Variants in NRG3 observed in about 807,000 individuals in gnomAD.
NRG3 encodes pro-neuregulin-3, membrane-bound isoform.
Under a neutral mutation model 66.9 loss-of-function variants are expected in NRG3, and 31 were observed. The ratio of observed to expected loss-of-function variants is 0.46; its 90% CI spans 0.35 to 0.63. The LOEUF is 0.63. NRG3 is among the 20% of genes least tolerant of loss of function. The pLI, the probability that NRG3 is intolerant of heterozygous loss-of-function variation, is 0.00. For missense variants in NRG3, 910 were observed against 878.9 expected (o/e 1.04, Z -0.45); for synonymous variants, 393 against 359.4 (o/e 1.09, Z -1.06).
intron 1 of NRG3, among the ~76,000 whole-genome samples, chr10:81,895,557 A>T (rs1843438164): frequency 6.6e-6 from 1 of 150,396 alleles, no homozygotes; most frequent in African/African-American, 2.5e-5. Context: ...ATCAGCAATT[A>T]GAATCAGAAT....
chr10:82,659,895 C>G (rs2052194775), intron 2 of NRG3, among the ~76,000 whole-genome samples: 1 of 151,840 alleles, frequency 6.6e-6, no homozygotes, highest in Non-Finnish European at 1.5e-5. Context: ...AAGGAGGACA[C>G]TGTTAGAAAT....
intron 1 of NRG3, among the ~76,000 whole-genome samples, chr10:82,010,674 T>C (rs763681927): frequency 6.6e-6 from 1 of 152,176 alleles, no homozygotes; most frequent in Non-Finnish European, 1.5e-5. Context: ...ATTTCCTGAA[T>C]TACAAGGCAC....
At chr10:82,070,263 A>C (rs1564788925) in intron 1 of NRG3, among the ~76,000 whole-genome samples, 1 of 152,112 alleles carries the variant, frequency 6.6e-6, no homozygotes, top group Non-Finnish European at 1.5e-5. Flanking sequence ...GGGGCCTTTC[A>C]TGAGTACCAG....
intron 6 of NRG3, among the ~76,000 whole-genome samples, chr10:82,960,463 ATTTTTTT>A (rs34802482): frequency 7.3e-6 from 1 of 137,342 alleles, no homozygotes; most frequent in Non-Finnish European, 1.6e-5. Context: ...AAATGGCTGG[ATTTTTTT>A]TTTTTTTTTT....
At chr10:82,399,087 T>C (rs1409564914) in intron 2 of NRG3, among the ~76,000 whole-genome samples, 1 of 152,234 alleles carries the variant, frequency 6.6e-6, no homozygotes, top group Admixed American at 6.5e-5. Context: ...TTAGCACAGT[T>C]ATTCATTGTA....
chr10:82,603,804 G>A (rs1481487316), intron 2 of NRG3, among the ~76,000 whole-genome samples: 1 of 151,918 alleles, frequency 6.6e-6, no homozygotes, highest in Non-Finnish European at 1.5e-5. Flanking sequence ...TAAAAATAAA[G>A]GCAAAAAACT....
At chr10:81,882,824 A>G (rs555755537) in intron 1 of NRG3, among the ~76,000 whole-genome samples, 2 of 152,226 alleles carry the variant, frequency 1.3e-5, no homozygotes, top group Admixed American at 1.3e-4. Flanking sequence ...ATATCCTGGC[A>G]CACACAATAA....
chr10:81,955,329 A>C (rs1041419816), intron 1 of NRG3, among the ~76,000 whole-genome samples: 5 of 152,048 alleles, frequency 3.3e-5, no homozygotes, highest in African/African-American at 4.8e-5. Flanking sequence ...GAAGCTCTGT[A>C]GAACAGGAGC....
At chr10:82,077,522 C>A (rs1429628485) in intron 1 of NRG3, among the ~76,000 whole-genome samples, 1 of 152,160 alleles carries the variant, frequency 6.6e-6, no homozygotes, top group Non-Finnish European at 1.5e-5. Context: ...GCTTCCATCT[C>A]TTGTAACTAT....
At chr10:81,923,330 C>G (rs547609646) in intron 1 of NRG3, among the ~76,000 whole-genome samples, 1 of 152,038 alleles carries the variant, frequency 6.6e-6, no homozygotes, top group African/African-American at 2.4e-5. Flanking sequence ...CTCAGCCTCC[C>G]GAGTAGCTGG....
chr10:81,889,367 A>G (rs1842850299), intron 1 of NRG3: 1 of 152,190 alleles, frequency 6.6e-6, no homozygotes, highest in South Asian at 2.1e-4. Context: ...ATGGTGAGGA[A>G]TATGCTGGGA....
chr10:82,014,470 C>A (rs182516700), intron 1 of NRG3, among the ~76,000 whole-genome samples: 14 of 152,274 alleles, frequency 9.2e-5, no homozygotes, highest in Admixed American at 7.2e-4. Flanking sequence ...TAGCTAAACA[C>A]CATCACAGAG....
rs149120018 is a variant in NRG3 at position 82,903,885 on chromosome 10, CAT to C, written c.1054+38461_1054+38462del. Reference sequence around the variant, plus strand: ...TTGTCCAAGGCTCGACTGTACATTACATATATATATATATGTTATAAAGACCA... The same window carrying C: ...TTGTCCAAGGCTCGACTGTACATTACATATATATATATGTTATAAAGACCA... On this transcript the variant is annotated intron_variant, in intron 4 of 8. Coordinates refer to ENST00000372141, the MANE Select transcript of NRG3 (RefSeq NM_001010848.4). Among the ~76,000 whole-genome samples the C allele has an allele frequency of 3.0e-4, 45 of 150,822 alleles. No individual in the cohort carries two copies. The South Asian group carries it at 4.2e-3, about 14-fold the overall frequency.
At chr10:82,448,345 C>A (rs746780396) in intron 2 of NRG3, among the ~76,000 whole-genome samples, 41 of 152,158 alleles carry the variant, frequency 2.7e-4, no homozygotes, top group Non-Finnish European at 4.3e-4. Flanking sequence ...GAAAAGAAAT[C>A]ATGTTTGCAC....
chr10:82,359,954 G>A (rs1339060844), intron 2 of NRG3, among the ~76,000 whole-genome samples: 1 of 152,156 alleles, frequency 6.6e-6, no homozygotes, highest in Admixed American at 6.5e-5. Context: ...AAGATGTATT[G>A]CCACACTGAG....
In NRG3 at chr10:82,548,537, A is replaced by T. The variant is rs554039038; in HGVS notation, c.953+189669A>T. ...CATTCTGTCTCTCACACACACACACACACACACACACACACACACACACGC... is the reference window on the plus strand; with the variant it reads ...CATTCTGTCTCTCACACACACACACTCACACACACACACACACACACACGC... On this transcript the variant is annotated intron_variant, in intron 2 of 8. Coordinates refer to ENST00000372141, the MANE Select transcript of NRG3 (RefSeq NM_001010848.4). Among the ~76,000 whole-genome samples, 584 of 151,506 alleles carry T rather than the reference A, an allele frequency of 3.9e-3. 4 individuals are homozygous for T. Among genetic ancestry groups the T allele is most frequent in the African/African-American group, 0.014 (567 of 41,180 alleles).
intron 3 of NRG3, among the ~76,000 whole-genome samples, chr10:82,861,781 G>A (rs2135924660): frequency 1.3e-5 from 2 of 152,276 alleles, no homozygotes; most frequent in Middle Eastern, 3.4e-3. Context: ...CTCATGTCAT[G>A]GAACACCTGT....
chr10:82,268,349 A>G (rs7916484), intron 1 of NRG3, among the ~76,000 whole-genome samples: 21,484 of 152,116 alleles, frequency 0.14, 1,629 homozygotes, highest in East Asian at 0.23. Flanking sequence ...ATGGACCCCA[A>G]ACCCAGTGTG....
intron 2 of NRG3, among the ~76,000 whole-genome samples, chr10:82,548,764 AATT>A: frequency 7.5e-6 from 1 of 132,534 alleles, no homozygotes; most frequent in African/African-American, 3.5e-5. Context: ...TAAATAAATT[AATT>A]AATTAATTAA....
Sources: allele counts gnomAD v4.1 joint callset (sites outside exome capture counted in the v4.1 genomes callset), GRCh38; gene constraint gnomAD v4.1.1; transcripts MANE v1.5; gene names NCBI Gene and HGNC (gene_info 2026-07-23, HGNC 2026-07-21).